Variants in SUGCT observed in about 807,000 individuals in gnomAD.
The protein encoded by SUGCT is succinyl-CoA:glutarate-CoA transferase, also known as succinyl-CoA:glutarate CoA-transferase.
A neutral mutation model predicts 55.0 loss-of-function variants in SUGCT; 41 were observed. That is an observed-to-expected ratio of 0.74 (90% CI 0.58 to 0.97). SUGCT has a LOEUF of 0.97. Among genes scored for constraint, SUGCT ranks in the 50% least tolerant of loss-of-function variants. The pLI is 0.00. For synonymous variants in SUGCT, 187 were observed against 200.4 expected, an observed-to-expected ratio of 0.93 and a Z score of 0.56; for missense variants, 568 against 547.8, an observed-to-expected ratio of 1.04 and a Z score of -0.37.
intron 12 of SUGCT, among the ~76,000 whole-genome samples, chr7:40,663,732 C>A: frequency 6.6e-6 from 1 of 152,152 alleles, no homozygotes; most frequent in East Asian, 1.9e-4. Context: ...CACCCAGTCC[C>A]ATGCACAGGA....
At chr7:40,149,305 C>G (rs199924258) in intron 1 of SUGCT, among the ~76,000 whole-genome samples, 1 of 152,176 alleles carries the variant, frequency 6.6e-6, no homozygotes, top group Admixed American at 6.5e-5. Flanking sequence ...TTAACTGACT[C>G]CATCTTGCTT....
intron 6 of SUGCT, among the ~76,000 whole-genome samples, chr7:40,233,256 G>C (rs1264631954): frequency 6.6e-6 from 1 of 151,990 alleles, no homozygotes; most frequent in East Asian, 1.9e-4. Flanking sequence ...GTCTTGCCCT[G>C]TCGCCCAGGC....
chr7:40,360,718 G>A (rs1372744625), intron 9 of SUGCT, among the ~76,000 whole-genome samples: 3 of 152,186 alleles, frequency 2.0e-5, no homozygotes, highest in Non-Finnish European at 2.9e-5. Context: ...AGGGAGCAGT[G>A]AATATAACTG....
At chr7:40,903,916 A>T in the SUGCT span, among the ~76,000 whole-genome samples, 1 of 152,146 alleles carries the variant, frequency 6.6e-6, no homozygotes, top group Non-Finnish European at 1.5e-5. Context: ...ACCCAACAGC[A>T]CTTGATATAT....
intron 12 of SUGCT, among the ~76,000 whole-genome samples, chr7:40,712,104 C>T (rs1785756988): frequency 6.6e-6 from 1 of 152,180 alleles, no homozygotes; most frequent in South Asian, 2.1e-4. Context: ...GACTTTGTTG[C>T]CTTCTATAGT....
chr7:40,900,025 T>C, the SUGCT span, among the ~76,000 whole-genome samples: 1 of 152,166 alleles, frequency 6.6e-6, no homozygotes, highest in African/African-American at 2.4e-5. Flanking sequence ...GTCACAGTAG[T>C]AGCACAAGGA....
chr7:40,689,907 A>G (rs1784618670), intron 12 of SUGCT, among the ~76,000 whole-genome samples: 1 of 152,180 alleles, frequency 6.6e-6, no homozygotes, highest in Non-Finnish European at 1.5e-5. Flanking sequence ...CATGTAAGCA[A>G]CAAGTAGCCA....
At chr7:40,184,486 C>T (rs911351458) in intron 3 of SUGCT, among the ~76,000 whole-genome samples, 6 of 151,718 alleles carry the variant, frequency 4.0e-5, no homozygotes, top group Non-Finnish European at 5.9e-5. Context: ...CCACTGCACC[C>T]GGCCTTATTA....
chr7:40,465,650 T>G (rs574572680), intron 11 of SUGCT, among the ~76,000 whole-genome samples: 19 of 152,056 alleles, frequency 1.2e-4, no homozygotes, highest in Non-Finnish European at 2.4e-4. Flanking sequence ...TTCCTCTAAG[T>G]TGATCATTTT....
At chr7:40,526,822 A>C (rs966974414) in intron 12 of SUGCT, among the ~76,000 whole-genome samples, 1 of 152,190 alleles carries the variant, frequency 6.6e-6, no homozygotes, top group Non-Finnish European at 1.5e-5. Flanking sequence ...TACCACTGTT[A>C]GTGCTGGCAC....
chr7:40,992,702 T>G, the SUGCT span, among the ~76,000 whole-genome samples: 7 of 152,146 alleles, frequency 4.6e-5, no homozygotes, highest in Non-Finnish European at 1.0e-4. Context: ...GATTTGGCTT[T>G]GGAGTGAGCC....
chr7:40,815,486 C>T (rs1261533729), intron 13 of SUGCT, among the ~76,000 whole-genome samples: 1 of 151,932 alleles, frequency 6.6e-6, no homozygotes, highest in Non-Finnish European at 1.5e-5. Context: ...GGCCACTGTT[C>T]CAGTTGGGTG....
At chr7:40,505,491 A>C (rs1792540497) in intron 12 of SUGCT, among the ~76,000 whole-genome samples, 2 of 151,984 alleles carry the variant, frequency 1.3e-5, no homozygotes, top group Non-Finnish European at 2.9e-5. Context: ...TACAATTTTA[A>C]TTCCCTTAAG....
intron 6 of SUGCT, among the ~76,000 whole-genome samples, chr7:40,199,470 C>G (rs1786470023): frequency 6.6e-6 from 1 of 152,156 alleles, no homozygotes; most frequent in Non-Finnish European, 1.5e-5. Context: ...CTGTGTACCA[C>G]TGGGTAGGAA....
chr7:40,484,944 G>A (rs969620832), intron 11 of SUGCT, among the ~76,000 whole-genome samples: 4 of 151,972 alleles, frequency 2.6e-5, no homozygotes, highest in African/African-American at 7.3e-5. Flanking sequence ...TAATGTTTAC[G>A]TGAATTTAAA....
At chr7:40,333,264 A>T (rs1448666818) in intron 9 of SUGCT, among the ~76,000 whole-genome samples, 1 of 152,186 alleles carries the variant, frequency 6.6e-6, no homozygotes, top group Non-Finnish European at 1.5e-5. Context: ...TGAAAACAGT[A>T]AAGAAAATGT....
chr7:40,847,622 G>A (rs1793639600), intron 13 of SUGCT, among the ~76,000 whole-genome samples: 1 of 151,776 alleles, frequency 6.6e-6, no homozygotes, highest in East Asian at 1.9e-4. Flanking sequence ...TCACCATGTT[G>A]GCCAGGCTGG....
At chr7:40,819,666 T>C (rs1486898709) in intron 13 of SUGCT, among the ~76,000 whole-genome samples, 2 of 152,256 alleles carry the variant, frequency 1.3e-5, no homozygotes, top group African/African-American at 4.8e-5. Context: ...TAGCCCTTTG[T>C]CAGATGGGTA....
intron 9 of SUGCT, among the ~76,000 whole-genome samples, chr7:40,410,944 A>G (rs528654659): frequency 6.6e-6 from 1 of 152,328 alleles, no homozygotes; most frequent in East Asian, 1.9e-4. Context: ...TACACCTTAT[A>G]TAAGGTGAAT....
Sources: gnomAD v4.1 joint callset for allele counts (sites outside exome capture counted in the v4.1 genomes callset) on GRCh38, gnomAD v4.1.1 for gene constraint, MANE v1.5 for transcripts, NCBI Gene and HGNC (gene_info 2026-07-23, HGNC 2026-07-21) for gene names.